The following YEATS2 variants were observed in gnomAD, a reference collection of about 807,000 sequenced individuals.
The protein encoded by YEATS2 is YEATS domain containing 2, also known as YEATS domain-containing protein 2.
YEATS2 carries 77 observed loss-of-function variants against 163.2 expected under a neutral mutation model. The ratio of observed to expected loss-of-function variants is 0.47; its 90% CI spans 0.39 to 0.57. YEATS2 has a LOEUF of 0.57. Among genes scored for constraint, YEATS2 ranks in the 20% least tolerant of loss-of-function variants. The pLI, the probability that YEATS2 is intolerant of heterozygous loss-of-function variation, is 0.00. For missense variants in YEATS2, 1,549 were observed against 1,729.8 expected (o/e 0.90, Z 1.85); for synonymous variants, 631 against 645.1 (o/e 0.98, Z 0.33).
At chr3:183,725,133 A>G (rs1265599463) in intron 6 of YEATS2, among the ~76,000 whole-genome samples, 1 of 124,818 alleles carries the variant, frequency 8.0e-6, no homozygotes, top group African/African-American at 3.1e-5. Context: ...TTTGGATATT[A>G]TTTTCTCTGT....
At chr3:183,738,154 A>G (rs1425898658) in intron 8 of YEATS2, among the ~76,000 whole-genome samples, 4 of 152,224 alleles carry the variant, frequency 2.6e-5, no homozygotes, top group East Asian at 1.9e-4. Context: ...TCCCCATCTC[A>G]TTCCCTCTTT....
At chr3:183,795,598 G>A (rs2108500080) in intron 21 of YEATS2, among the ~76,000 whole-genome samples, 1 of 151,214 alleles carries the variant, frequency 6.6e-6, no homozygotes, top group Admixed American at 6.6e-5. Context: ...GCTGCACTTG[G>A]CCCTACACAT....
At chr3:183,770,243 CTGG>C (rs1722318996) in intron 15 of YEATS2, among the ~76,000 whole-genome samples, 1 of 151,712 alleles carries the variant, frequency 6.6e-6, no homozygotes, top group Non-Finnish European at 1.5e-5. Context: ...AAAAAATTAG[CTGG>C]GCGTGGTGGC....
At position 183,773,848 on chromosome 3, in the gene YEATS2, C is replaced by T. The variant is rs377234269; in HGVS notation, c.2368+54C>T. On this transcript the variant is annotated intron_variant, in intron 17 of 30. Transcript: ENST00000305135. ...TGGTTCTTGGTTCTCTATGTGTGTT[C>T]ATCTTGTCCATCTGAGGGCAGTTCT... 3.3e-6 allele frequency: 5 copies of T among 1,528,852 alleles called. No homozygotes were observed. The African/African-American group carries it at 7.0e-5, about 21-fold the overall frequency. 94.7% of individuals were successfully genotyped at this position (1,528,852 alleles called of 1,614,324 possible).
chr3:183,758,934 A>G lies in YEATS2; in HGVS notation c.1625A>G (p.His542Arg), dbSNP rs777995141. The G allele has an allele frequency of 1.9e-6, 3 of 1,591,878 alleles. No individual in the cohort carries two copies. Among genetic ancestry groups the G allele is most frequent in the Admixed American group, 3.7e-5 (2 of 53,824 alleles). The part of the protein sequence containing the change: ...QGTGSPVPKI[H>R]GSSFVTSTVK... Reference sequence around the variant, plus strand: ...ACAGGTTCCCCTGTTCCTAAAATTCATGGAAGTAGTTTTGTAACATCTACT... The same window carrying G: ...ACAGGTTCCCCTGTTCCTAAAATTCGTGGAAGTAGTTTTGTAACATCTACT... The change falls in exon 13 of 31, where the codon CAT (histidine) becomes CGT (arginine). Residue 542 changes from histidine (H) to arginine (R), a missense_variant. By Grantham distance (29) the His-to-Arg change is conservative. Transcript: ENST00000305135.
At chr3:183,796,148 A>ATTTTTTTTTTTTTTTTTT (rs1176974770) in intron 21 of YEATS2, among the ~76,000 whole-genome samples, 13 of 96,080 alleles carry the variant, frequency 1.4e-4, no homozygotes, top group African/African-American at 4.7e-4. Context: ...ATGCCCGGCT[A>ATTTTTTTTTTTTTTTTTT]TTTTTTTTTT....
chr3:183,769,010 A>G (rs1393320236), intron 15 of YEATS2, among the ~76,000 whole-genome samples: 1 of 152,180 alleles, frequency 6.6e-6, no homozygotes, highest in South Asian at 2.1e-4. Context: ...GATGTGGGTA[A>G]TAAGGGGTAT....
At chr3:183,776,193 T>A in intron 18 of YEATS2, 70 bp downstream of exon 18, 1 of 1,430,950 alleles carries the variant, frequency 7.0e-7, no homozygotes, top group Non-Finnish European at 9.4e-7. Flanking sequence ...TATAATTGAT[T>A]TACCTTTACG....
intron 21 of YEATS2, chr3:183,793,231 G>A (rs1724828096): frequency 3.3e-6 from 4 of 1,227,530 alleles, no homozygotes; most frequent in Non-Finnish European, 4.2e-6. Flanking sequence ...TTGGATAAGA[G>A]GCTGTGGATG....
At chr3:183,708,218 G>A (rs1405131692) in intron 1 of YEATS2, among the ~76,000 whole-genome samples, 2 of 142,574 alleles carry the variant, frequency 1.4e-5, no homozygotes, top group Non-Finnish European at 3.0e-5. Flanking sequence ...CTGGAGTGCA[G>A]TGGCACGATC....
intron 7 of YEATS2, among the ~76,000 whole-genome samples, chr3:183,735,584 C>T (rs752377275): frequency 5.9e-5 from 9 of 152,150 alleles, no homozygotes; most frequent in Non-Finnish European, 1.0e-4. Context: ...GCTCTGTGCT[C>T]GTTAATTCAC....
intron 16 of YEATS2, 134 bp downstream of exon 16, chr3:183,772,697 ATGTT>A (rs1722594992): frequency 8.5e-7 from 1 of 1,180,404 alleles, no homozygotes; most frequent in Admixed American, 2.8e-5. Flanking sequence ...GTGTATTGAA[ATGTT>A]TGTTCTTTTT....
intron 21 of YEATS2, among the ~76,000 whole-genome samples, chr3:183,796,561 C>G (rs1725173802): frequency 6.7e-6 from 1 of 149,914 alleles, no homozygotes. Context: ...TAGACAGATG[C>G]ACATACTAGA....
chr3:183,757,027 G>T (rs1720843780), intron 12 of YEATS2, among the ~76,000 whole-genome samples: 1 of 152,132 alleles, frequency 6.6e-6, no homozygotes, highest in African/African-American at 2.4e-5. Context: ...TTCCAAAGAA[G>T]CTTTTGCTAA....
At chr3:183,791,079 G>A in intron 21 of YEATS2, 99 bp downstream of exon 21, 1 of 1,476,326 alleles carries the variant, frequency 6.8e-7, no homozygotes, top group South Asian at 1.3e-5. Flanking sequence ...TGTCGCCCAA[G>A]CTAGAGTGCA....
chr3:183,771,718 A>AT (rs10592078), intron 15 of YEATS2, among the ~76,000 whole-genome samples: 2,132 of 100,114 alleles, frequency 0.021, 137 homozygotes, highest in African/African-American at 0.05. Flanking sequence ...GTACTGGCTA[A>AT]TTTTTTTTTT....
At chr3:183,779,360 GA>G in intron 19 of YEATS2, among the ~76,000 whole-genome samples, 2 of 152,306 alleles carry the variant, frequency 1.3e-5, no homozygotes, top group South Asian at 4.1e-4. Context: ...ATGTTAAACA[GA>G]TACAAGGCCC....
intron 5 of YEATS2, among the ~76,000 whole-genome samples, chr3:183,724,076 G>C (rs185590317): frequency 6.6e-6 from 1 of 152,108 alleles, no homozygotes. Context: ...TTAAAAAGAG[G>C]GTAAATTCCA....
chr3:183,769,168 C>T (rs1180177039), intron 15 of YEATS2, among the ~76,000 whole-genome samples: 1 of 152,184 alleles, frequency 6.6e-6, no homozygotes, highest in Non-Finnish European at 1.5e-5. Context: ...ATGAATCCCA[C>T]ATGCCTATTA....
Sources: gnomAD v4.1 joint callset for allele counts (sites outside exome capture counted in the v4.1 genomes callset) on GRCh38, gnomAD v4.1.1 for gene constraint, MANE v1.5 for transcripts, NCBI Gene and HGNC (gene_info 2026-07-23, HGNC 2026-07-21) for gene names.